SPIRE1: variants seen among roughly 807,000 people sequenced by gnomAD.
The protein encoded by SPIRE1 is spire type actin nucleation factor 1, also known as protein spire homolog 1.
In SPIRE1, 40 loss-of-function variants were observed where a neutral mutation model predicts 94.1. That is an observed-to-expected ratio of 0.43 (90% CI 0.33 to 0.55). SPIRE1 has a LOEUF of 0.55. Ranked by LOEUF, SPIRE1 falls within the 20% of genes least tolerant of loss-of-function variation. The pLI is 0.06. For synonymous variants in SPIRE1, 376 were observed against 371.7 expected, an observed-to-expected ratio of 1.01 and a Z score of -0.13; for missense variants, 838 against 975.2, an observed-to-expected ratio of 0.86 and a Z score of 1.87.
chr18:12,621,432 G>C (rs1424586658), intron 2 of SPIRE1, among the ~76,000 whole-genome samples: 2 of 152,152 alleles, frequency 1.3e-5, no homozygotes, highest in Non-Finnish European at 2.9e-5. Context: ...AAAGTTTATA[G>C]CACCATTACT....
At chr18:12,642,593 A>G (rs1388688973) in intron 1 of SPIRE1, among the ~76,000 whole-genome samples, 4 of 152,240 alleles carry the variant, frequency 2.6e-5, no homozygotes, top group African/African-American at 9.6e-5. Context: ...TCTAGTGCCA[A>G]TTCTGAGTAA....
chr18:12,495,872 A>G (rs2033437992), intron 7 of SPIRE1, 144 bp downstream of exon 7: 8 of 609,498 alleles, frequency 1.3e-5, no homozygotes, highest in Admixed American at 1.2e-4. Context: ...AACAAAAAAT[A>G]TAATTTACAG....
intron 2 of SPIRE1, among the ~76,000 whole-genome samples, chr18:12,629,149 T>C (rs1004262855): frequency 1.3e-5 from 2 of 152,216 alleles, no homozygotes; most frequent in African/African-American, 2.4e-5. Flanking sequence ...GTTCTAGTTA[T>C]TCATTTAACC....
intron 2 of SPIRE1, among the ~76,000 whole-genome samples, chr18:12,609,353 C>A (rs370820449): frequency 3.3e-5 from 5 of 152,324 alleles, no homozygotes; most frequent in African/African-American, 1.2e-4. Context: ...ATTCAGGAAT[C>A]TTACAAGCTG....
intron 2 of SPIRE1, among the ~76,000 whole-genome samples, chr18:12,591,530 T>C (rs1365391452): frequency 6.6e-6 from 1 of 152,046 alleles, no homozygotes; most frequent in South Asian, 2.1e-4. Flanking sequence ...TAGACTCTAG[T>C]AGAGTAAGGG....
chr18:12,488,118 A>C (rs2143826115), intron 8 of SPIRE1, among the ~76,000 whole-genome samples: 1 of 152,328 alleles, frequency 6.6e-6, no homozygotes, highest in East Asian at 1.9e-4. Flanking sequence ...GACTTCCCAT[A>C]TTCTCCAAAA....
At chr18:12,566,470 C>T (rs1356652834) in intron 2 of SPIRE1, among the ~76,000 whole-genome samples, 2 of 152,200 alleles carry the variant, frequency 1.3e-5, no homozygotes, top group South Asian at 2.1e-4. Flanking sequence ...TTTTATTTTG[C>T]TTATTCTTAA....
intron 2 of SPIRE1, among the ~76,000 whole-genome samples, chr18:12,549,949 T>A (rs755248714): frequency 2.0e-5 from 3 of 152,212 alleles, no homozygotes; most frequent in Non-Finnish European, 4.4e-5. Flanking sequence ...CAGGAGCTGA[T>A]CCATTCTTCT....
chr18:12,660,674 T>C (rs1598599081), upstream of SPIRE1, among the ~76,000 whole-genome samples: 1 of 152,224 alleles, frequency 6.6e-6, no homozygotes, highest in South Asian at 2.1e-4. Context: ...CCTTGAGTGA[T>C]GATTTTTTTT....
At chr18:12,450,441 G>A (rs373074260) in intron 16 of SPIRE1, 49 of 504,988 alleles carry the variant, frequency 9.7e-5, no homozygotes, top group African/African-American at 8.7e-4. Flanking sequence ...GAACAATACA[G>A]TCAGGATGGC....
intron 12 of SPIRE1, chr18:12,459,647 G>T: frequency 1.7e-6 from 1 of 597,406 alleles, no homozygotes; most frequent in Non-Finnish European, 2.1e-6. Context: ...ATGATTGGAA[G>T]CAAAGTGCTA....
At chr18:12,657,259 C>G (rs1320181217) in intron 1 of SPIRE1, among the ~76,000 whole-genome samples, 1 of 147,836 alleles carries the variant, frequency 6.8e-6, no homozygotes, top group Non-Finnish European at 1.5e-5. Flanking sequence ...GACGAGCGCC[C>G]CGCGGCCCGC....
At chr18:12,564,588 A>G (rs1482716706) in intron 2 of SPIRE1, among the ~76,000 whole-genome samples, 1 of 152,238 alleles carries the variant, frequency 6.6e-6, no homozygotes, top group African/African-American at 2.4e-5. Context: ...CATACAGATG[A>G]GAGCAGAGGG....
intron 4 of SPIRE1, among the ~76,000 whole-genome samples, chr18:12,528,471 G>A (rs2034587715): frequency 6.6e-6 from 1 of 152,194 alleles, no homozygotes; most frequent in African/African-American, 2.4e-5. Flanking sequence ...TTTCTAGGTA[G>A]CGAAGAGGGG....
At chr18:12,462,599 C>T (rs1820483284) in intron 12 of SPIRE1, among the ~76,000 whole-genome samples, 1 of 152,136 alleles carries the variant, frequency 6.6e-6, no homozygotes, top group Non-Finnish European at 1.5e-5. Context: ...TAAACCAGTT[C>T]AACCAAAATA....
chr18:12,639,688 G>A (rs753101781), intron 1 of SPIRE1, among the ~76,000 whole-genome samples: 3 of 151,796 alleles, frequency 2.0e-5, no homozygotes, highest in Non-Finnish European at 4.4e-5. Context: ...CAGAGATCAC[G>A]CCACTGCACT....
In SPIRE1 at chr18:12,646,550, A is replaced by G. The variant is rs188975021; in HGVS notation, c.337+10980T>C. Among the ~76,000 whole-genome samples the G allele has an allele frequency of 1.6e-3, 239 of 152,310 alleles. 6 individuals are homozygous for G. Among genetic ancestry groups the G allele is most frequent in the Admixed American group, 0.012 (190 of 15,300 alleles). ...ACTAAAAATCCAGGAAGACATGACC[A>G]AACCCTGGGACCAGGCAACCTATAG... is the stretch of plus-strand genomic sequence containing the variant. On this transcript the variant is annotated intron_variant, in intron 1 of 16. Coordinates refer to ENST00000409402, the MANE Select transcript of SPIRE1 (RefSeq NM_001128626.2).
At chr18:12,522,639 A>G (rs2034394502) in intron 4 of SPIRE1, among the ~76,000 whole-genome samples, 1 of 152,236 alleles carries the variant, frequency 6.6e-6, no homozygotes, top group South Asian at 2.1e-4. Context: ...TTCAAAGGAC[A>G]GGGTGACTCT....
chr18:12,449,667 G>C lies in SPIRE1; in HGVS notation c.2242C>G (p.Pro748Ala), dbSNP rs1344994117. The change falls in exon 17 of 17, where the codon CCT becomes GCT. Residue 748 changes from proline to alanine, a missense_variant. Pro to Ala is a conservative substitution (Grantham distance 27). This residue lies in a region of SPIRE1 where 645 missense variants were observed against 804.7 expected (regional missense o/e 0.80). Coordinates refer to ENST00000409402, the MANE Select transcript of SPIRE1 (RefSeq NM_001128626.2). ...MSSPGPSEYC[P>A]SERTISEI is the part of the protein sequence containing the mutation. ...ATCTCACTGATCGTCCTCTCTGAAGGGCAGTACTCCGAGGGGCCTGGCGAG... is the reference window on the plus strand; with the variant it reads ...ATCTCACTGATCGTCCTCTCTGAAGCGCAGTACTCCGAGGGGCCTGGCGAG... 6 of 1,614,010 alleles carry C rather than the reference G, an allele frequency of 3.7e-6. No individual in the cohort carries two copies. The African/African-American group carries it at 4.0e-5, about 11-fold the overall frequency.
Sources: allele counts gnomAD v4.1 joint callset (sites outside exome capture counted in the v4.1 genomes callset), GRCh38; gene constraint gnomAD v4.1.1; regional missense constraint gnomAD v4.1.1; transcripts MANE v1.5; gene names NCBI Gene and HGNC (gene_info 2026-07-23, HGNC 2026-07-21).